DOCK1: variants seen among roughly 807,000 people sequenced by gnomAD.
DOCK1 encodes the protein dedicator of cytokinesis protein 1.
DOCK1 carries 138 observed loss-of-function variants against 262.7 expected under a neutral mutation model. The observed-to-expected ratio is 0.53, with a 90% CI of 0.46 to 0.61. DOCK1 has a LOEUF of 0.61. Ranked by LOEUF, DOCK1 falls within the 20% of genes least tolerant of loss-of-function variation. The pLI is 0.00. For synonymous variants in DOCK1, 866 were observed against 867.4 expected, an observed-to-expected ratio of 1.00 and a Z score of 0.03; for missense variants, 1,908 against 2,370.7, an observed-to-expected ratio of 0.80 and a Z score of 4.05.
chr10:127,264,717 G>C (rs1325651360), intron 29 of DOCK1, among the ~76,000 whole-genome samples: 1 of 152,008 alleles, frequency 6.6e-6, no homozygotes, highest in African/African-American at 2.4e-5. Context: ...CTGGAGTGCA[G>C]TGGCAGGATC....
intron 23 of DOCK1, among the ~76,000 whole-genome samples, chr10:127,093,198 T>TTTTCTTTCTTTCTTTC (rs71490109): frequency 0.014 from 1,281 of 92,434 alleles, 67 homozygotes; most frequent in East Asian, 0.073. Context: ...TCCCTCTCCT[T>TTTTCTTTCTTTCTTTC]TTTCTTTCTT....
At chr10:127,027,809 G>T (rs1386945741) in intron 16 of DOCK1, among the ~76,000 whole-genome samples, 1 of 151,998 alleles carries the variant, frequency 6.6e-6, no homozygotes, top group Non-Finnish European at 1.5e-5. Flanking sequence ...GGACAGGGGG[G>T]CTGCAGGAGA....
intron 25 of DOCK1, among the ~76,000 whole-genome samples, chr10:127,112,433 C>T (rs1391051018): frequency 2.6e-5 from 4 of 152,062 alleles, no homozygotes; most frequent in Non-Finnish European, 4.4e-5. Context: ...GTGTTCTGTC[C>T]CTCTTTCCTA....
intron 1 of DOCK1, among the ~76,000 whole-genome samples, chr10:126,970,488 T>A (rs1375266006): frequency 6.6e-6 from 1 of 152,208 alleles, no homozygotes; most frequent in Non-Finnish European, 1.5e-5. Flanking sequence ...TCTGGTGTCA[T>A]GGGTAGTTAT....
intron 29 of DOCK1, among the ~76,000 whole-genome samples, chr10:127,336,542 T>TG (rs1471915476): frequency 1.3e-5 from 2 of 151,840 alleles, no homozygotes; most frequent in African/African-American, 2.4e-5. Flanking sequence ...ATAGTTTTTT[T>TG]TTTTTTTTTT....
chr10:127,364,988 T>C (rs1227655904), intron 33 of DOCK1, among the ~76,000 whole-genome samples: 1 of 152,220 alleles, frequency 6.6e-6, no homozygotes, highest in Non-Finnish European at 1.5e-5. Context: ...TCTGTGTATA[T>C]ACAAAGTCTT....
At chr10:127,171,224 G>A (rs745886465) in intron 27 of DOCK1, among the ~76,000 whole-genome samples, 10 of 152,150 alleles carry the variant, frequency 6.6e-5, no homozygotes, top group Non-Finnish European at 1.0e-4. Context: ...AGTCTCTTAC[G>A]AAAAATAATT....
intron 44 of DOCK1, among the ~76,000 whole-genome samples, chr10:127,416,698 G>A (rs1017818668): frequency 6.6e-6 from 1 of 152,222 alleles, no homozygotes; most frequent in African/African-American, 2.4e-5. Flanking sequence ...AATAAAAATA[G>A]GAAGGGATTC....
intron 29 of DOCK1, among the ~76,000 whole-genome samples, chr10:127,259,090 G>T (rs2059925135): frequency 6.6e-6 from 1 of 152,198 alleles, no homozygotes; most frequent in African/African-American, 2.4e-5. Flanking sequence ...TGAGCTGGAA[G>T]TCTCCTTCCA....
At chr10:127,200,351 G>A (rs1420292080) in intron 27 of DOCK1, among the ~76,000 whole-genome samples, 1 of 152,204 alleles carries the variant, frequency 6.6e-6, no homozygotes, top group African/African-American at 2.4e-5. Context: ...TCTGCTACGA[G>A]GGTTTGTGAT....
chr10:127,119,709 C>T (rs1342539527), intron 25 of DOCK1, among the ~76,000 whole-genome samples: 2 of 152,188 alleles, frequency 1.3e-5, no homozygotes, highest in African/African-American at 2.4e-5. Flanking sequence ...TTATTAAATG[C>T]ACTTTATGGA....
At chr10:126,969,251 A>T (rs2037909463) in intron 1 of DOCK1, among the ~76,000 whole-genome samples, 2 of 152,244 alleles carry the variant, frequency 1.3e-5, no homozygotes, top group South Asian at 4.1e-4. Flanking sequence ...ATCGTTTGCC[A>T]GAGGGCAGGC....
At chr10:126,970,843 C>T in intron 2 of DOCK1, 58 bp downstream of exon 2, 1 of 1,564,714 alleles carries the variant, frequency 6.4e-7, no homozygotes, top group South Asian at 1.2e-5. Flanking sequence ...CACACCTTCT[C>T]AGTGCCTGCT....
At chr10:127,151,569 C>T (rs1180232266) in intron 27 of DOCK1, among the ~76,000 whole-genome samples, 7 of 152,244 alleles carry the variant, frequency 4.6e-5, no homozygotes, top group African/African-American at 9.6e-5. Flanking sequence ...GGGTGACAGT[C>T]GGGTCTGCAG....
intron 29 of DOCK1, among the ~76,000 whole-genome samples, chr10:127,304,565 A>T (rs1437201019): frequency 6.6e-6 from 1 of 152,160 alleles, no homozygotes; most frequent in Non-Finnish European, 1.5e-5. Flanking sequence ...TGATTACCAC[A>T]TACCTTGTAT....
intron 29 of DOCK1, among the ~76,000 whole-genome samples, chr10:127,300,813 C>G (rs2061654160): frequency 6.6e-6 from 1 of 152,138 alleles, no homozygotes; most frequent in South Asian, 2.1e-4. Flanking sequence ...CTTTGCTTTG[C>G]TTTGCCTCTG....
At chr10:127,404,801 T>G (rs1408630960) in intron 40 of DOCK1, among the ~76,000 whole-genome samples, 1 of 152,178 alleles carries the variant, frequency 6.6e-6, no homozygotes, top group Non-Finnish European at 1.5e-5. Flanking sequence ...CTTCAGAACT[T>G]TTTCATCTTG....
chr10:127,137,558 G>A, intron 27 of DOCK1: 1 of 331,018 alleles, frequency 3.0e-6, no homozygotes, highest in Non-Finnish European at 5.5e-6. Flanking sequence ...GGGGGTGGGG[G>A]AAAATTTTTA....
intron 21 of DOCK1, 67 bp downstream of exon 21, chr10:127,043,231 T>C (rs1292491259): frequency 2.6e-5 from 33 of 1,263,808 alleles, no homozygotes; most frequent in Non-Finnish European, 3.5e-5. Flanking sequence ...TAGAGTCTTT[T>C]TCATGTACTT....
Sources: allele counts gnomAD v4.1 joint callset (sites outside exome capture counted in the v4.1 genomes callset), GRCh38; gene constraint gnomAD v4.1.1; transcripts MANE v1.5; gene names NCBI Gene and HGNC (gene_info 2026-07-23, HGNC 2026-07-21).